The following FOXJ3 variants were observed in gnomAD, a reference collection of about 807,000 sequenced individuals.
The protein encoded by FOXJ3 is forkhead box J3.
Under a neutral mutation model 76.1 loss-of-function variants are expected in FOXJ3, and 22 were observed. The observed-to-expected ratio is 0.29, with a 90% CI of 0.21 to 0.41. The LOEUF (loss-of-function observed/expected upper bound fraction) is 0.41. FOXJ3 is among the 10% of genes least tolerant of loss of function. The pLI is 1.00. For synonymous variants in FOXJ3, 269 were observed against 261.2 expected (o/e 1.03, Z -0.29); for missense variants, 613 against 762.1 (o/e 0.80, Z 2.30).
intron 5 of FOXJ3, among the ~76,000 whole-genome samples, chr1:42,226,990 G>A (rs2124452139): frequency 1.3e-5 from 2 of 152,274 alleles, no homozygotes; most frequent in Middle Eastern, 3.4e-3. Context: ...ACATTTACTA[G>A]TATCTATTAT....
chr1:42,305,915 C>T (rs1167292001), intron 2 of FOXJ3, among the ~76,000 whole-genome samples: 1 of 152,032 alleles, frequency 6.6e-6, no homozygotes, highest in Non-Finnish European at 1.5e-5. Context: ...ATGAATATAC[C>T]CCACTTACGG....
At chr1:42,331,146 C>T (rs1410589276) in intron 1 of FOXJ3, among the ~76,000 whole-genome samples, 2 of 152,022 alleles carry the variant, frequency 1.3e-5, no homozygotes, top group African/African-American at 2.4e-5. Context: ...TTTGGGAGGC[C>T]GAGGCAGGCA....
At position 42,226,129 on chromosome 1, in the gene FOXJ3, G is replaced by A. The variant is rs140510555; in HGVS notation, c.528+1754C>T. 7.2e-5 allele frequency among the ~76,000 whole-genome samples: 11 copies of A among 152,072 alleles called. No homozygotes were observed. The East Asian group carries it at 2.1e-3, about 29-fold the overall frequency. On this transcript the variant is annotated intron_variant, in intron 5 of 12. Coordinates refer to ENST00000361346, the MANE Select transcript of FOXJ3 (RefSeq NM_014947.5). ...CTTCCTTCAAATTCTGGCAACAGAT[G>A]CTAAATGTTTTATACTCCACACATT... is the stretch of plus-strand genomic sequence containing the variant.
chr1:42,259,263 C>T (rs1650849404), intron 4 of FOXJ3, among the ~76,000 whole-genome samples: 1 of 152,066 alleles, frequency 6.6e-6, no homozygotes, highest in African/African-American at 2.4e-5. Context: ...GGGCTGACTA[C>T]CAAGTGACAA....
intron 5 of FOXJ3, among the ~76,000 whole-genome samples, chr1:42,216,273 C>T (rs1239708150): frequency 6.6e-6 from 1 of 151,956 alleles, no homozygotes; most frequent in South Asian, 2.1e-4. Flanking sequence ...AATCCCAGCA[C>T]TTTGGGAGGC....
In FOXJ3 at chr1:42,199,092, CA is replaced by C. The variant is rs1046187415; in HGVS notation, c.759+9del. ...ATAACTATTAACATGTTAACTTCAT[CA>C]AGACTTACCGGTGTATAACTATGCA... On this transcript the variant is annotated intron_variant, in intron 7 of 12. Coordinates refer to ENST00000361346, the MANE Select transcript of FOXJ3 (RefSeq NM_014947.5). The C allele has an allele frequency of 6.2e-7, 1 of 1,609,540 alleles. No homozygotes were observed. The highest frequency in any genetic ancestry group is 1.3e-5 in the African/African-American group (1 of 74,932).
At chr1:42,218,423 T>C (rs1449709937) in intron 5 of FOXJ3, among the ~76,000 whole-genome samples, 1 of 152,208 alleles carries the variant, frequency 6.6e-6, no homozygotes, top group East Asian at 1.9e-4. Context: ...GAAAAAGTAA[T>C]GTGTATTTCT....
At chr1:42,266,770 C>T (rs915035388) in intron 3 of FOXJ3, among the ~76,000 whole-genome samples, 1 of 152,096 alleles carries the variant, frequency 6.6e-6, no homozygotes, top group African/African-American at 2.4e-5. Context: ...AGCCCACCAA[C>T]CTTCCATAGA....
At chr1:42,330,275 G>C (rs944566674) in intron 1 of FOXJ3, among the ~76,000 whole-genome samples, 2 of 152,020 alleles carry the variant, frequency 1.3e-5, no homozygotes, top group Admixed American at 6.5e-5. Context: ...AATATGAAAT[G>C]ATTTGTCTAA....
chr1:42,304,234 T>G (rs1392725189), intron 2 of FOXJ3, among the ~76,000 whole-genome samples: 3 of 151,732 alleles, frequency 2.0e-5, no homozygotes, highest in African/African-American at 7.3e-5. Flanking sequence ...CATCAATTAT[T>G]TATGAAAGAA....
chr1:42,184,432 AAC>A (rs1646392834), intron 11 of FOXJ3, among the ~76,000 whole-genome samples: 1 of 152,138 alleles, frequency 6.6e-6, no homozygotes. Context: ...TCATATGCGT[AAC>A]ACTTTTATTT....
intron 4 of FOXJ3, among the ~76,000 whole-genome samples, chr1:42,255,393 C>T (rs1243317427): frequency 2.6e-5 from 4 of 151,866 alleles, no homozygotes; most frequent in Admixed American, 6.6e-5. Flanking sequence ...AGTCAACAGA[C>T]GAAATAAAAT....
chr1:42,273,585 G>A (rs1652029025), intron 3 of FOXJ3, among the ~76,000 whole-genome samples: 1 of 141,370 alleles, frequency 7.1e-6, no homozygotes, highest in South Asian at 2.2e-4. Flanking sequence ...TGAGGCATGA[G>A]AATCACTTGA....
chr1:42,198,535 T>C (rs766157063), intron 7 of FOXJ3, among the ~76,000 whole-genome samples: 1 of 152,156 alleles, frequency 6.6e-6, no homozygotes, highest in Non-Finnish European at 1.5e-5. Flanking sequence ...TGAAAAGAAA[T>C]AACAGATAAC....
rs115850823 is a variant in FOXJ3 at position 42,220,436 on chromosome 1, T to C, written c.528+7447A>G. 5.2e-3 allele frequency among the ~76,000 whole-genome samples: 785 copies of C among 152,078 alleles called. 10 individuals are homozygous for C. The highest frequency in any genetic ancestry group is 0.018 in the African/African-American group (759 of 41,494). The stretch of plus-strand genomic sequence containing the variant: ...AGGGTCTGAAAACACACTCCACCAA[T>C]AGAAAAAAAGTAAAGACATGGCAAA... On this transcript the variant is annotated intron_variant, in intron 5 of 12. Transcript: ENST00000361346.
chr1:42,291,334 A>G (rs1286317342), intron 2 of FOXJ3, among the ~76,000 whole-genome samples: 2 of 152,352 alleles, frequency 1.3e-5, no homozygotes, highest in South Asian at 2.1e-4. Context: ...GGTTAGGCAA[A>G]TATTTCTTAG....
At chr1:42,335,860 G>A (rs1252791159), upstream of FOXJ3, 1 of 152,128 alleles carries the variant, frequency 6.6e-6, no homozygotes, top group African/African-American at 2.4e-5. Context: ...TAATTCTCAA[G>A]GTAGCTACCC....
chr1:42,201,390 C>CT lies in FOXJ3; in HGVS notation c.631-2161dup, dbSNP rs549650183. 5.1e-3 allele frequency among the ~76,000 whole-genome samples: 783 copies of CT among 152,278 alleles called. 7 individuals carry two copies. Among genetic ancestry groups the CT allele is most frequent in the African/African-American group, 0.018 (743 of 41,538 alleles). Reference sequence around the variant, plus strand: ...TGCTATATGCTTCTTTGTAGATATTCTTTACCACACTGAAAAAATTTCCAC... The same window carrying CT: ...TGCTATATGCTTCTTTGTAGATATTCTTTTACCACACTGAAAAAATTTCCAC... On this transcript the variant is annotated intron_variant, in intron 6 of 12. Transcript: ENST00000361346.
intron 7 of FOXJ3, among the ~76,000 whole-genome samples, chr1:42,196,476 T>A (rs1331147812): frequency 1.3e-5 from 2 of 152,286 alleles, no homozygotes; most frequent in East Asian, 3.9e-4. Flanking sequence ...GCGGATCACC[T>A]GAAGTCAGAA....
Sources: gnomAD v4.1 joint callset for allele counts (sites outside exome capture counted in the v4.1 genomes callset) on GRCh38, gnomAD v4.1.1 for gene constraint, MANE v1.5 for transcripts, NCBI Gene and HGNC (gene_info 2026-07-23, HGNC 2026-07-21) for gene names.